SYTL2: variants seen among roughly 807,000 people sequenced by gnomAD.
SYTL2 encodes synaptotagmin like 2, also known as synaptotagmin-like protein 2.
SYTL2 carries 165 observed loss-of-function variants against 198.7 expected under a neutral mutation model. The observed-to-expected ratio is 0.83, with a 90% confidence interval of 0.73 to 0.94. The LOEUF (loss-of-function observed/expected upper bound fraction) is 0.94, where lower values mean the gene tolerates loss of function less well. Among genes scored for constraint, SYTL2 ranks in the 40% least tolerant of loss-of-function variants. The probability of loss-of-function intolerance (pLI) is 0.00; values close to 1 mark genes in which losing one functional copy is unlikely to be tolerated. For missense variants in SYTL2, 2,835 were observed against 2,582.8 expected (o/e 1.10, Z -2.12); for synonymous variants, 966 against 917.7 (o/e 1.05, Z -0.95).
At chr11:85,733,205 T>C (rs1231402586) in intron 7 of SYTL2, among the ~76,000 whole-genome samples, 1 of 152,216 alleles carries the variant, frequency 6.6e-6, no homozygotes, top group Non-Finnish European at 1.5e-5. Context: ...CTCTTGAGAT[T>C]ACAAGAGAAA....
intron 1 of SYTL2, among the ~76,000 whole-genome samples, chr11:85,809,192 A>T (rs949694160): frequency 6.6e-6 from 1 of 152,198 alleles, no homozygotes; most frequent in Non-Finnish European, 1.5e-5. Flanking sequence ...CTCTTAGGGG[A>T]CAGTGGAATC....
At chr11:85,792,875 A>G (rs1458980093) in intron 1 of SYTL2, among the ~76,000 whole-genome samples, 3 of 151,566 alleles carry the variant, frequency 2.0e-5, no homozygotes, top group Non-Finnish European at 4.4e-5. Flanking sequence ...GAGAACATGC[A>G]GTGTTTGGGT....
At chr11:85,697,252 C>T (rs576080142) in intron 18 of SYTL2, among the ~76,000 whole-genome samples, 2 of 152,252 alleles carry the variant, frequency 1.3e-5, no homozygotes, top group East Asian at 3.9e-4. Flanking sequence ...GTTGACCAGG[C>T]TGGTCTTGAA....
At chr11:85,841,172 A>T in the SYTL2 span, among the ~76,000 whole-genome samples, 1 of 152,204 alleles carries the variant, frequency 6.6e-6, no homozygotes, top group African/African-American at 2.4e-5. Flanking sequence ...GTCAAAAAAT[A>T]GATGCTAGTG....
intron 3 of SYTL2, among the ~76,000 whole-genome samples, chr11:85,746,566 C>A (rs1053100556): frequency 6.6e-6 from 1 of 152,176 alleles, no homozygotes; most frequent in Non-Finnish European, 1.5e-5. Context: ...GGCCACAGAG[C>A]CAGTAAGTGC....
intron 2 of SYTL2, among the ~76,000 whole-genome samples, chr11:85,752,652 G>A (rs1292232924): frequency 6.6e-6 from 1 of 152,004 alleles, no homozygotes; most frequent in East Asian, 1.9e-4. Context: ...AGTCTGCTGA[G>A]AGGCAGCACA....
Position 85,725,354 on chromosome 11 carries a change from T to C in SYTL2, c.4004A>G (p.Gln1335Arg). The change falls in exon 8 of 20, where the codon CAG becomes CGG. Residue 1335 changes from glutamine (Q) to arginine (R), a missense_variant. Transcript: ENST00000359152. Reference sequence around the variant, plus strand: ...AGCCTGGGGAACAAGATGAGCATCCTGGGGAAAAAGCATATCTTGGGGAGG... The same window carrying C: ...AGCCTGGGGAACAAGATGAGCATCCCGGGGAAAAAGCATATCTTGGGGAGG... Reference protein sequence around the residue: ...ASPPQDMLFPQDAHLVPQARV... With the variant: ...ASPPQDMLFPRDAHLVPQARV... 2.5e-6 allele frequency: 4 copies of C among 1,613,858 alleles called. No individual in the cohort carries two copies. The highest frequency in any genetic ancestry group is 3.4e-6 in the Non-Finnish European group (4 of 1,179,912).
At position 85,725,418 on chromosome 11, in the gene SYTL2, G is replaced by A. The variant is rs2089002402; in HGVS notation, c.3940C>T (p.Gln1314Ter). The A allele has an allele frequency of 1.2e-6, 2 of 1,614,072 alleles. No individual in the cohort carries two copies. Among genetic ancestry groups the A allele is most frequent in the South Asian group, 1.1e-5 (1 of 91,074 alleles). Residue 1314 changes from glutamine (Q) to a stop codon, truncating the protein, a stop_gained, in exon 8 of 20, where the codon CAG becomes TAG. Coordinates refer to ENST00000359152, the MANE Select transcript of SYTL2 (RefSeq NM_206927.4). LOFTEE classifies it high-confidence loss of function. ...CCAAAAGAACCCTTTCTGGAAAGCT[G>A]GGAAGTTGGATCCAATGGATGAGAA... ...EDSHPLDPTS[Q>*]LSRKGSFGDV...
At chr11:85,756,764 C>T (rs1371382915) in intron 2 of SYTL2, among the ~76,000 whole-genome samples, 1 of 152,118 alleles carries the variant, frequency 6.6e-6, no homozygotes, top group Non-Finnish European at 1.5e-5. Flanking sequence ...ATAAATCATC[C>T]ACGTTAAATC....
chr11:85,726,815 T>C lies in SYTL2; in HGVS notation c.2543A>G (p.Glu848Gly). The change falls in exon 8 of 20, where the codon GAA becomes GGA. Residue 848 changes from glutamate to glycine, a missense_variant. Transcript: ENST00000359152. ...TCGTTTGGGAATGGCCTGATTATAT[T>C]CACTCTGGTCTGTAGATAAACTGTC... ...SMDSLSTDQS[E>G]YNQAIPKRVV... 2 of 1,536,350 alleles carry C rather than the reference T, an allele frequency of 1.3e-6. No homozygotes were observed. Among genetic ancestry groups the C allele is most frequent in the Non-Finnish European group, 1.7e-6 (2 of 1,146,932 alleles).
chr11:85,852,726 AC>A, the SYTL2 span: 2 of 232,810 alleles, frequency 8.6e-6, no homozygotes, highest in African/African-American at 4.8e-5. Flanking sequence ...GCTAGCTATA[AC>A]CTCCACCTCC....
At chr11:85,804,382 A>C (rs2092930462) in intron 1 of SYTL2, among the ~76,000 whole-genome samples, 2 of 152,186 alleles carry the variant, frequency 1.3e-5, no homozygotes, top group South Asian at 4.1e-4. Context: ...CAATTATATC[A>C]GATTATCTTC....
At chr11:85,700,841 AT>A (rs1490203999) in intron 16 of SYTL2, among the ~76,000 whole-genome samples, 10 of 152,328 alleles carry the variant, frequency 6.6e-5, no homozygotes, top group Non-Finnish European at 1.3e-4. Flanking sequence ...AGTCTCAAAG[AT>A]GGTGAAGAAA....
chr11:85,697,965 A>G lies in SYTL2; in HGVS notation c.6368+14T>C. On this transcript the variant is annotated intron_variant, in intron 18 of 19. Coordinates refer to ENST00000359152, the MANE Select transcript of SYTL2 (RefSeq NM_206927.4). ...CTACAGAACTGTTGCAGACAGAGTC[A>G]TCAATACTATTACCATTTAACAAAA... The G allele has an allele frequency of 6.4e-7, 1 of 1,565,216 alleles. No individual in the cohort carries two copies. The highest frequency in any genetic ancestry group is 8.8e-7 in the Non-Finnish European group (1 of 1,135,870).
the SYTL2 span, among the ~76,000 whole-genome samples, chr11:85,832,449 G>C: frequency 2.0e-5 from 3 of 152,136 alleles, no homozygotes; most frequent in East Asian, 3.8e-4. Context: ...TTAGATGTTA[G>C]ACATATAGCA....
intron 1 of SYTL2, among the ~76,000 whole-genome samples, chr11:85,803,299 A>G (rs1268147276): frequency 6.6e-6 from 1 of 152,230 alleles, no homozygotes; most frequent in African/African-American, 2.4e-5. Flanking sequence ...ACAACATGAA[A>G]ATCAACTTCA....
intron 1 of SYTL2, among the ~76,000 whole-genome samples, chr11:85,767,628 A>G (rs1361736395): frequency 2.0e-5 from 3 of 152,190 alleles, no homozygotes; most frequent in Non-Finnish European, 4.4e-5. Flanking sequence ...CAGACTGGGA[A>G]TGAGGGACTC....
intron 1 of SYTL2, among the ~76,000 whole-genome samples, chr11:85,763,240 T>C (rs748395671): frequency 1.3e-5 from 2 of 152,184 alleles, no homozygotes; most frequent in African/African-American, 4.8e-5. Context: ...GGAGCAGCGG[T>C]AGAAATAGCA....
chr11:85,793,856 T>C (rs1295109213), intron 1 of SYTL2, among the ~76,000 whole-genome samples: 2 of 152,234 alleles, frequency 1.3e-5, no homozygotes, highest in African/African-American at 4.8e-5. Context: ...TAGTCATATC[T>C]TCCCTCATAC....
Sources: allele counts gnomAD v4.1 joint callset (sites outside exome capture counted in the v4.1 genomes callset), GRCh38; gene constraint gnomAD v4.1.1; transcripts MANE v1.5; gene names NCBI Gene and HGNC (gene_info 2026-07-23, HGNC 2026-07-21).